Variants in ICA1 observed in about 807,000 individuals in gnomAD.
ICA1 encodes the protein islet cell autoantigen 1.
A neutral mutation model predicts 71.0 loss-of-function variants in ICA1; 40 were observed. That is an observed-to-expected ratio of 0.56 (90% CI 0.44 to 0.73). The LOEUF (loss-of-function observed/expected upper bound fraction) is 0.73. Among genes scored for constraint, ICA1 ranks in the 30% least tolerant of loss-of-function variants. ICA1 has a pLI of 0.00. For missense variants in ICA1, 578 were observed against 576.5 expected, an observed-to-expected ratio of 1.00 and a Z score of -0.03; for synonymous variants, 207 against 209.5, an observed-to-expected ratio of 0.99 and a Z score of 0.10.
At chr7:8,188,562 G>A (rs561631472) in intron 6 of ICA1, among the ~76,000 whole-genome samples, 1 of 152,336 alleles carries the variant, frequency 6.6e-6, no homozygotes, top group South Asian at 2.1e-4. Context: ...TTAAAAGTGA[G>A]TGTGGAGTAA....
Position 8,143,819 on chromosome 7 carries a change from C to T in ICA1, c.902+56G>A, listed in dbSNP as rs527274293. The T allele has an allele frequency of 3.5e-6, 4 of 1,151,396 alleles. No individual in the cohort carries two copies. In the East Asian group the frequency reaches 7.0e-5, roughly 20 times the overall value. 71.3% of individuals were successfully genotyped at this position (1,151,396 alleles called of 1,614,324 possible). On this transcript the variant is annotated intron_variant, in intron 9 of 13. Transcript: ENST00000402384. ...CCAGCCAGGTTCGGTCAGCGAGAAC[C>T]ACATAACTCTCACCTGTGGGAAGAA... is the stretch of plus-strand genomic sequence containing the variant.
chr7:8,138,639 C>G (rs1363117410), intron 12 of ICA1, among the ~76,000 whole-genome samples: 1 of 152,142 alleles, frequency 6.6e-6, no homozygotes, highest in Non-Finnish European at 1.5e-5. Context: ...TTATGAAATT[C>G]ATTATACTAA....
At chr7:8,126,538 T>TA (rs543328549) in intron 13 of ICA1, among the ~76,000 whole-genome samples, 3,498 of 151,366 alleles carry the variant, frequency 0.023, 44 homozygotes, top group African/African-American at 0.036. Context: ...GTATTTCATT[T>TA]AAAAAAAAAG....
chr7:8,162,885 T>A (rs561126713), intron 6 of ICA1, among the ~76,000 whole-genome samples: 109 of 152,326 alleles, frequency 7.2e-4, no homozygotes, highest in Admixed American at 1.2e-3. Context: ...TGCCTCGGCC[T>A]CCCTAGTAGC....
At chr7:8,169,608 T>C (rs1326206827) in intron 6 of ICA1, among the ~76,000 whole-genome samples, 2 of 152,124 alleles carry the variant, frequency 1.3e-5, no homozygotes, top group Non-Finnish European at 2.9e-5. Context: ...ACTAATGATA[T>C]TGAACTTCTT....
chr7:8,224,732 C>A (rs2128437550), intron 4 of ICA1, among the ~76,000 whole-genome samples: 1 of 152,280 alleles, frequency 6.6e-6, no homozygotes, highest in Non-Finnish European at 1.5e-5. Flanking sequence ...TAGGGTCTCA[C>A]CTGGCACCAA....
intron 6 of ICA1, among the ~76,000 whole-genome samples, chr7:8,181,015 G>A (rs1171956036): frequency 6.6e-6 from 1 of 151,844 alleles, no homozygotes; most frequent in African/African-American, 2.4e-5. Flanking sequence ...TTTCTTTTAT[G>A]GTGGTGCAGT....
Position 8,239,054 on chromosome 7 carries a change from C to T in ICA1, c.-79-3049G>A, listed in dbSNP as rs556170053. On this transcript the variant is annotated intron_variant, in intron 1 of 13. Transcript: ENST00000402384. ...CTTGAACAAACTACTGGATCATAGG[C>T]ACAGGAGCAAAGGAATCATAAGTGG... Among the ~76,000 whole-genome samples, 12 of 152,294 alleles carry T rather than the reference C, an allele frequency of 7.9e-5. No individual in the cohort carries two copies. In the South Asian group the frequency reaches 2.5e-3, roughly 32 times the overall value.
intron 1 of ICA1, among the ~76,000 whole-genome samples, chr7:8,237,758 A>G (rs965103117): frequency 6.6e-6 from 1 of 152,086 alleles, no homozygotes; most frequent in African/African-American, 2.4e-5. Flanking sequence ...GTTGTAGTAT[A>G]TGACAGGACT....
In ICA1 at chr7:8,122,234, G is replaced by A. The variant is rs879891946; in HGVS notation, c.1330+5639C>T. Among the ~76,000 whole-genome samples, 13 of 152,306 alleles carry A rather than the reference G, an allele frequency of 8.5e-5. No homozygotes were observed. In the South Asian group the frequency reaches 1.0e-3, roughly 12 times the overall value. On this transcript the variant is annotated intron_variant, in intron 13 of 13. Transcript: ENST00000402384. Reference sequence around the variant, plus strand: ...TACTGATAGCACACGTGGTTCTCCAGGGAAACAATGCCACGAAGACAGCTA... The same window carrying A: ...TACTGATAGCACACGTGGTTCTCCAAGGAAACAATGCCACGAAGACAGCTA...
chr7:8,214,785 G>C (rs546418571), intron 6 of ICA1, among the ~76,000 whole-genome samples: 79 of 152,314 alleles, frequency 5.2e-4, no homozygotes, highest in Non-Finnish European at 9.7e-4. Context: ...TTTCAGTCAT[G>C]CTCACTGTGT....
intron 6 of ICA1, among the ~76,000 whole-genome samples, chr7:8,204,268 AAT>A (rs904103026): frequency 6.6e-6 from 1 of 152,216 alleles, no homozygotes; most frequent in Non-Finnish European, 1.5e-5. Context: ...GGATTGTAGT[AAT>A]ATGGGGCTGG....
intron 1 of ICA1, among the ~76,000 whole-genome samples, chr7:8,255,433 G>A (rs1489802655): frequency 6.6e-6 from 1 of 151,982 alleles, no homozygotes; most frequent in Non-Finnish European, 1.5e-5. Context: ...CTTTTCCTCT[G>A]TGTCTGCATC....
chr7:8,151,983 C>T (rs185233760), intron 8 of ICA1, among the ~76,000 whole-genome samples: 122 of 152,242 alleles, frequency 8.0e-4, no homozygotes, highest in Middle Eastern at 3.4e-3. Context: ...AGATCAAGAG[C>T]GAGTTGTAAA....
rs1584060904 is a variant in ICA1 at position 8,113,879 on chromosome 7, G to A, written c.*44C>T. ...TATACTTCTGCTAGCCCCCAGGGGA[G>A]CTGCTGGGGGCGGCATGTGAGTGCC... On this transcript the variant is annotated 3_prime_UTR_variant, in exon 14 of 14. Coordinates refer to ENST00000402384, the MANE Select transcript of ICA1 (RefSeq NM_001136020.3). The surrounding 1 kb of genome is among the most constrained non-coding windows in gnomAD (Gnocchi z 4.2). 2 of 1,605,690 alleles carry A rather than the reference G, an allele frequency of 1.2e-6. No homozygotes were observed. The highest frequency in any genetic ancestry group is 2.2e-5 in the East Asian group (1 of 44,822).
intron 2 of ICA1, among the ~76,000 whole-genome samples, chr7:8,233,246 TCA>T (rs1051020484): frequency 3.9e-5 from 6 of 152,104 alleles, no homozygotes; most frequent in Non-Finnish European, 8.8e-5. Flanking sequence ...ATAGTCAAAC[TCA>T]CAGAAGCAGA....
At chr7:8,242,783 A>G (rs1804457374) in intron 1 of ICA1, among the ~76,000 whole-genome samples, 1 of 152,246 alleles carries the variant, frequency 6.6e-6, no homozygotes, top group Non-Finnish European at 1.5e-5. Flanking sequence ...AATACTATAA[A>G]CACCTCGATG....
At chr7:8,199,649 G>A (rs1403014395) in intron 6 of ICA1, among the ~76,000 whole-genome samples, 2 of 152,194 alleles carry the variant, frequency 1.3e-5, no homozygotes, top group African/African-American at 4.8e-5. Context: ...AGGAGGCAGA[G>A]GTTGCAGTGA....
intron 8 of ICA1, among the ~76,000 whole-genome samples, chr7:8,149,015 C>T (rs562946396): frequency 1.4e-4 from 21 of 152,284 alleles, no homozygotes; most frequent in Middle Eastern, 6.8e-3. Flanking sequence ...AAGTCCACGA[C>T]TCCATTGAAG....
Sources: gnomAD v4.1 joint callset for allele counts (sites outside exome capture counted in the v4.1 genomes callset) on GRCh38, gnomAD v4.1.1 for gene constraint, Gnocchi (gnomAD v3.1) non-coding constraint, MANE v1.5 for transcripts, NCBI Gene and HGNC (gene_info 2026-07-23, HGNC 2026-07-21) for gene names.